Variants in GALNT10 observed in about 807,000 individuals in gnomAD.
GALNT10 encodes polypeptide N-acetylgalactosaminyltransferase 10.
Under a neutral mutation model 75.0 loss-of-function variants are expected in GALNT10, and 41 were observed. The observed-to-expected ratio is 0.55, with a 90% CI of 0.43 to 0.71. GALNT10 has a LOEUF of 0.71. GALNT10 is among the 30% of genes least tolerant of loss of function. The probability of loss-of-function intolerance (pLI) is 0.00; values close to 1 mark genes in which losing one functional copy is unlikely to be tolerated. For missense variants in GALNT10, 727 were observed against 818.5 expected (o/e 0.89, Z 1.36); for synonymous variants, 302 against 313.0 (o/e 0.96, Z 0.37).
At chr5:154,264,313 C>CA (rs372645621) in intron 1 of GALNT10, among the ~76,000 whole-genome samples, 41,283 of 105,050 alleles carry the variant, frequency 0.39, 8,069 homozygotes, top group African/African-American at 0.54. Context: ...ACTCTGTCTC[C>CA]AAAAAAAAAA....
At chr5:154,197,710 G>A (rs1477245506) in intron 1 of GALNT10, among the ~76,000 whole-genome samples, 1 of 152,148 alleles carries the variant, frequency 6.6e-6, no homozygotes, top group African/African-American at 2.4e-5. Flanking sequence ...CTGATAATGA[G>A]GTTGATAATG....
At chr5:154,347,382 T>A in intron 4 of GALNT10, 1 of 321,272 alleles carries the variant, frequency 3.1e-6, no homozygotes, top group South Asian at 2.5e-5. Flanking sequence ...TTTTTTTTTT[T>A]AGACAGGATC....
At position 154,275,312 on chromosome 5, in the gene GALNT10, A is replaced by G. The variant is rs146932060; in HGVS notation, c.160-19504A>G. ...GACCAGCACCAGTTCACAATGAGAT[A>G]GATAGGGGAATTGAGGATAGTTGTT... On this transcript the variant is annotated intron_variant, in intron 1 of 11. Coordinates refer to ENST00000297107, the MANE Select transcript of GALNT10 (RefSeq NM_198321.4). Among the ~76,000 whole-genome samples the G allele has an allele frequency of 2.3e-3, 345 of 152,348 alleles. 1 individual carries two copies. Among genetic ancestry groups the G allele is most frequent in the Admixed American group, 3.6e-3 (55 of 15,308 alleles).
intron 9 of GALNT10, among the ~76,000 whole-genome samples, chr5:154,411,114 G>A (rs1485362629): frequency 6.6e-6 from 1 of 152,256 alleles, no homozygotes; most frequent in Admixed American, 6.5e-5. Flanking sequence ...GGGAGCATAA[G>A]AGTTGGGGCT....
chr5:154,360,460 A>C (rs1755367057), intron 4 of GALNT10, among the ~76,000 whole-genome samples: 1 of 151,964 alleles, frequency 6.6e-6, no homozygotes, highest in Admixed American at 6.6e-5. Flanking sequence ...TAAAAAAAAA[A>C]AAAAAACAAA....
chr5:154,351,143 C>T (rs1038632666), intron 4 of GALNT10, among the ~76,000 whole-genome samples: 1 of 152,220 alleles, frequency 6.6e-6, no homozygotes, highest in Non-Finnish European at 1.5e-5. Context: ...AGTGCTATGC[C>T]AATCAATTGA....
intron 1 of GALNT10, among the ~76,000 whole-genome samples, chr5:154,266,821 G>A (rs1328862756): frequency 2.6e-5 from 4 of 152,182 alleles, no homozygotes; most frequent in African/African-American, 9.6e-5. Context: ...GTTAGAAGCT[G>A]CGATGAGCTT....
chr5:154,224,953 TG>T (rs1188064378), intron 1 of GALNT10, among the ~76,000 whole-genome samples: 1 of 151,904 alleles, frequency 6.6e-6, no homozygotes, highest in East Asian at 1.9e-4. Context: ...GCTAATTTTT[TG>T]TATTTTTAGT....
intron 4 of GALNT10, among the ~76,000 whole-genome samples, chr5:154,351,733 C>T (rs2113144526): frequency 6.6e-6 from 1 of 152,306 alleles, no homozygotes; most frequent in South Asian, 2.1e-4. Context: ...ATCCCCACAG[C>T]AATCCTATGG....
At chr5:154,414,845 C>G (rs145794525) in intron 10 of GALNT10, among the ~76,000 whole-genome samples, 1 of 152,274 alleles carries the variant, frequency 6.6e-6, no homozygotes, top group Admixed American at 6.5e-5. Context: ...GAATCCTGAG[C>G]AGGCACGGTG....
rs1217487387 is a variant in GALNT10 at position 154,420,941 on chromosome 5, G to C, written c.*3969G>C. On this transcript the variant is annotated 3_prime_UTR_variant, in exon 12 of 12. Transcript: ENST00000297107. ...AAAGACTGATTTACCATGTACAATT[G>C]TGATTGTGAACGTTGTTGAGTAAAC... 1.3e-5 allele frequency: 2 copies of C among 152,262 alleles called. No homozygotes were observed. Among genetic ancestry groups the C allele is most frequent in the African/African-American group, 2.4e-5 (1 of 41,472 alleles). The allele number at this position is 152,262 out of a possible 1,614,324, so 9.4% of individuals were successfully genotyped here.
In GALNT10 at chr5:154,419,132, G is replaced by A. The variant is rs1756578845; in HGVS notation, c.*2160G>A. The stretch of plus-strand genomic sequence containing the variant: ...TGCAGTTCCTACTGGATGAGTGTGT[G>A]TTTCTTAATGTCTCATTTCAAGCAG... On this transcript the variant is annotated 3_prime_UTR_variant, in exon 12 of 12. Coordinates refer to ENST00000297107, the MANE Select transcript of GALNT10 (RefSeq NM_198321.4). 1 of 152,032 alleles carries A rather than the reference G, an allele frequency of 6.6e-6. No individual in the cohort carries two copies. The highest frequency in any genetic ancestry group is 1.5e-5 in the Non-Finnish European group (1 of 67,970). 9.4% of individuals were successfully genotyped at this position (152,032 alleles called of 1,614,324 possible).
intron 6 of GALNT10, among the ~76,000 whole-genome samples, chr5:154,385,317 C>T (rs1302044377): frequency 6.6e-6 from 1 of 152,210 alleles, no homozygotes; most frequent in Non-Finnish European, 1.5e-5. Context: ...CGTTTCCTCA[C>T]TTAGCACGGT....
intron 1 of GALNT10, among the ~76,000 whole-genome samples, chr5:154,287,957 T>TGA (rs138735348): frequency 1.5e-4 from 15 of 100,984 alleles, no homozygotes; most frequent in African/African-American, 5.2e-4. Context: ...TGTGTGTGTG[T>TGA]GTGAGAGAGA....
chr5:154,278,844 A>G (rs1753993221), intron 1 of GALNT10, among the ~76,000 whole-genome samples: 1 of 152,234 alleles, frequency 6.6e-6, no homozygotes, highest in African/African-American at 2.4e-5. Flanking sequence ...AATATGGTCA[A>G]GGTCTATCCA....
intron 2 of GALNT10, 72 bp downstream of exon 2, chr5:154,294,990 G>C (rs1754252281): frequency 1.4e-6 from 1 of 715,214 alleles, no homozygotes; most frequent in African/African-American, 1.8e-5. Flanking sequence ...GTGTGTGTGT[G>C]TGTGTGTGTG....
intron 1 of GALNT10, among the ~76,000 whole-genome samples, chr5:154,269,803 G>A (rs376476709): frequency 3.3e-5 from 5 of 152,214 alleles, no homozygotes; most frequent in Non-Finnish European, 7.3e-5. Context: ...ATTAGGGGCT[G>A]GACTGGCAGA....
intron 1 of GALNT10, among the ~76,000 whole-genome samples, chr5:154,209,377 A>G (rs541136142): frequency 6.6e-6 from 1 of 152,216 alleles, no homozygotes. Context: ...CCATTTTTGC[A>G]TAGCAGGCAG....
rs1040649883 is a variant in GALNT10, at chr5:154,333,567, C to G, written c.568+3829C>G. On this transcript the variant is annotated intron_variant, in intron 4 of 11. Transcript: ENST00000297107. ...AAGATAACAGAATAACCCCCTCCCC[C>G]ACCAGTAAAGTATAACAGTCTTGAC... Among the ~76,000 whole-genome samples, 7 of 152,138 alleles carry G rather than the reference C, an allele frequency of 4.6e-5. No homozygotes were observed. The East Asian group carries it at 5.8e-4, about 13-fold the overall frequency.
Sources: allele counts gnomAD v4.1 joint callset (sites outside exome capture counted in the v4.1 genomes callset), GRCh38; gene constraint gnomAD v4.1.1; transcripts MANE v1.5; gene names NCBI Gene and HGNC (gene_info 2026-07-23, HGNC 2026-07-21).